The following EPB41L2 variants were observed in gnomAD, a reference collection of about 807,000 sequenced individuals.
EPB41L2 encodes the protein band 4.1-like protein 2.
In EPB41L2, 43 loss-of-function variants were observed where a neutral mutation model predicts 113.0. The ratio of observed to expected loss-of-function variants is 0.38; its 90% CI spans 0.30 to 0.49. EPB41L2 has a LOEUF of 0.49. Ranked by LOEUF, EPB41L2 falls within the 20% of genes least tolerant of loss-of-function variation. The probability of loss-of-function intolerance (pLI) is 0.95; values close to 1 mark genes in which losing one functional copy is unlikely to be tolerated. For missense variants in EPB41L2, 1,147 were observed against 1,223.4 expected (o/e 0.94, Z 0.93); for synonymous variants, 442 against 436.7 (o/e 1.01, Z -0.15).
chr6:131,040,192 C>A (rs1348183114), intron 1 of EPB41L2, among the ~76,000 whole-genome samples: 1 of 152,158 alleles, frequency 6.6e-6, no homozygotes, highest in Admixed American at 6.5e-5. Context: ...AATTCCAGCA[C>A]TTTGGGTGGC....
intron 1 of EPB41L2, among the ~76,000 whole-genome samples, chr6:131,057,622 T>C (rs1174899155): frequency 1.3e-5 from 2 of 152,186 alleles, no homozygotes; most frequent in Non-Finnish European, 1.5e-5. Context: ...TACAAGGGCT[T>C]GGAAAAGGTG....
chr6:130,896,226 T>C (rs771732797), intron 8 of EPB41L2, among the ~76,000 whole-genome samples: 16 of 152,250 alleles, frequency 1.1e-4, no homozygotes, highest in Non-Finnish European at 2.1e-4. Context: ...CTTTCTCTGC[T>C]GTGACACTTG....
At position 130,954,660 on chromosome 6, in the gene EPB41L2, T is replaced by A. The variant is rs1023561622; in HGVS notation, c.705+445A>T. Among the ~76,000 whole-genome samples the A allele has an allele frequency of 1.3e-5, 2 of 152,180 alleles. 1 individual carries two copies. Among genetic ancestry groups the A allele is most frequent in the African/African-American group, 4.8e-5 (2 of 41,436 alleles). On this transcript the variant is annotated intron_variant, in intron 3 of 19. Coordinates refer to ENST00000337057, the MANE Select transcript of EPB41L2 (RefSeq NM_001431.4). The stretch of plus-strand genomic sequence containing the variant: ...TCTGTCAGCACCAGCGCTAATGAAC[T>A]GTATGTTTTGCAAATCATAGATGTT...
intron 1 of EPB41L2, among the ~76,000 whole-genome samples, chr6:131,044,174 A>G (rs984123953): frequency 2.0e-5 from 3 of 151,906 alleles, no homozygotes; most frequent in African/African-American, 7.3e-5. Flanking sequence ...GGCACTGGTC[A>G]CCATGCCTAA....
rs566469374 is a variant in EPB41L2 at position 130,946,294 on chromosome 6, T to C, written c.705+8811A>G. 2.0e-5 allele frequency among the ~76,000 whole-genome samples: 3 copies of C among 152,284 alleles called. No individual in the cohort carries two copies. In the East Asian group the frequency reaches 5.8e-4, roughly 29 times the overall value. On this transcript the variant is annotated intron_variant, in intron 3 of 19. Coordinates refer to ENST00000337057, the MANE Select transcript of EPB41L2 (RefSeq NM_001431.4). ...CATAAGCCAAAAATAACATTAAAGT[T>C]GGGCCATTTCCATAGTATTTTTTTT...
intron 1 of EPB41L2, among the ~76,000 whole-genome samples, chr6:131,005,910 T>G (rs143891748): frequency 6.6e-6 from 1 of 152,184 alleles, no homozygotes; most frequent in Non-Finnish European, 1.5e-5. Flanking sequence ...TCATGCTAAA[T>G]CCAGCCCCAA....
At chr6:130,989,043 C>G (rs1391544718) in intron 1 of EPB41L2, among the ~76,000 whole-genome samples, 1 of 152,078 alleles carries the variant, frequency 6.6e-6, no homozygotes, top group African/African-American at 2.4e-5. Flanking sequence ...GAGCCAAGAT[C>G]ACGCCACTGC....
At chr6:130,945,907 T>C (rs1812651158) in intron 3 of EPB41L2, among the ~76,000 whole-genome samples, 1 of 152,072 alleles carries the variant, frequency 6.6e-6, no homozygotes, top group African/African-American at 2.4e-5. Context: ...TAAAGAGTGC[T>C]AGAGTCAAGT....
chr6:130,892,896 G>A (rs911190833), intron 10 of EPB41L2, among the ~76,000 whole-genome samples: 42 of 152,154 alleles, frequency 2.8e-4, no homozygotes, highest in African/African-American at 9.7e-4. Flanking sequence ...GAAGCAGAGA[G>A]GTTGGTATCA....
chr6:130,988,540 C>T (rs1781098106), intron 1 of EPB41L2, among the ~76,000 whole-genome samples: 1 of 152,074 alleles, frequency 6.6e-6, no homozygotes, highest in South Asian at 2.1e-4. Flanking sequence ...GCCAGGCTTT[C>T]CTGAGGGGTG....
At chr6:131,002,954 G>A (rs1440753174) in intron 1 of EPB41L2, among the ~76,000 whole-genome samples, 2 of 152,154 alleles carry the variant, frequency 1.3e-5, no homozygotes, top group African/African-American at 4.8e-5. Flanking sequence ...AAAACAGGCA[G>A]AATGGTATAG....
At chr6:130,983,187 G>T (rs1054916531) in intron 1 of EPB41L2, among the ~76,000 whole-genome samples, 6 of 152,168 alleles carry the variant, frequency 3.9e-5, no homozygotes, top group Admixed American at 6.5e-5. Context: ...ACCAGGAACC[G>T]CAAATGAAAG....
At chr6:131,013,842 C>A (rs1787592139) in intron 1 of EPB41L2, among the ~76,000 whole-genome samples, 1 of 152,144 alleles carries the variant, frequency 6.6e-6, no homozygotes, top group South Asian at 2.1e-4. Context: ...TCACCAAAGA[C>A]ATACGGGCAA....
chr6:131,008,200 A>G (rs1786046335), intron 1 of EPB41L2, among the ~76,000 whole-genome samples: 1 of 152,220 alleles, frequency 6.6e-6, no homozygotes, highest in African/African-American at 2.4e-5. Flanking sequence ...GCCTCTGGAC[A>G]TGTGCCCTGC....
intron 1 of EPB41L2, among the ~76,000 whole-genome samples, chr6:131,060,789 T>C (rs985063225): frequency 1.3e-5 from 2 of 152,200 alleles, no homozygotes; most frequent in Admixed American, 6.5e-5. Flanking sequence ...TATATTTAGA[T>C]GGTTATTTTT....
intron 1 of EPB41L2, among the ~76,000 whole-genome samples, chr6:130,959,386 G>C (rs1195813478): frequency 6.6e-6 from 1 of 152,114 alleles, no homozygotes; most frequent in Non-Finnish European, 1.5e-5. Context: ...TAGAGAAAAA[G>C]GGTAGCTTAA....
intron 14 of EPB41L2, among the ~76,000 whole-genome samples, chr6:130,873,225 A>G (rs1176398832): frequency 1.3e-5 from 2 of 152,202 alleles, no homozygotes; most frequent in Non-Finnish European, 1.5e-5. Context: ...AATTCAAAAT[A>G]GGAAGACAAA....
intron 1 of EPB41L2, among the ~76,000 whole-genome samples, chr6:131,013,801 T>C (rs549991355): frequency 4.9e-4 from 75 of 152,270 alleles, no homozygotes; most frequent in African/African-American, 1.6e-3. Context: ...CCCATATATT[T>C]TGCATTTTTG....
chr6:130,907,580 C>G (rs73774307), intron 5 of EPB41L2, among the ~76,000 whole-genome samples: 11,173 of 151,794 alleles, frequency 0.074, 646 homozygotes, highest in African/African-American at 0.15. Context: ...GTTGGTCACT[C>G]TAATCAAAGA....
Sources: gnomAD v4.1 joint callset for allele counts (sites outside exome capture counted in the v4.1 genomes callset) on GRCh38, gnomAD v4.1.1 for gene constraint, MANE v1.5 for transcripts, NCBI Gene and HGNC (gene_info 2026-07-23, HGNC 2026-07-21) for gene names.